Variants in POR observed in about 807,000 individuals in gnomAD.
POR encodes the protein cytochrome p450 oxidoreductase, also known as NADPH--cytochrome P450 reductase.
POR carries 56 observed loss-of-function variants against 84.0 expected under a neutral mutation model. The ratio of observed to expected loss-of-function variants is 0.67; its 90% CI spans 0.54 to 0.83. The LOEUF (loss-of-function observed/expected upper bound fraction) is 0.83. Among genes scored for constraint, POR ranks in the 40% least tolerant of loss-of-function variants. POR has a pLI of 0.00. For synonymous variants in POR, 414 were observed against 400.5 expected (o/e 1.03, Z -0.40); for missense variants, 938 against 944.3 (o/e 0.99, Z 0.09).
intron 1 of POR, among the ~76,000 whole-genome samples, chr7:75,938,205 G>T (rs1424583923): frequency 6.6e-6 from 1 of 152,224 alleles, no homozygotes; most frequent in African/African-American, 2.4e-5. Flanking sequence ...GTCCTGTTGT[G>T]TGGGGAAAAG....
intron 1 of POR, among the ~76,000 whole-genome samples, chr7:75,949,310 C>T (rs562026117): frequency 9.9e-5 from 15 of 151,960 alleles, no homozygotes; most frequent in Non-Finnish European, 1.9e-4. Context: ...CACGCGTCAC[C>T]ATGCCTGGCT....
At position 75,936,387 on chromosome 7, in the gene POR, C is replaced by T. The variant is rs189081510; in HGVS notation, c.-4-17602C>T. 2.3e-3 allele frequency among the ~76,000 whole-genome samples: 347 copies of T among 151,914 alleles called. 3 individuals are homozygous for T. The highest frequency in any genetic ancestry group is 8.0e-3 in the African/African-American group (331 of 41,432). Reference sequence around the variant, plus strand: ...CCTCCCAAAGTGCTGAGATTATAGGCGTGAGCCACTATGCCTGTTTCTCTT... The same window carrying T: ...CCTCCCAAAGTGCTGAGATTATAGGTGTGAGCCACTATGCCTGTTTCTCTT... On this transcript the variant is annotated intron_variant, in intron 1 of 15. Transcript: ENST00000461988.
At chr7:75,941,843 T>G (rs1298644243) in intron 1 of POR, among the ~76,000 whole-genome samples, 1 of 150,836 alleles carries the variant, frequency 6.6e-6, no homozygotes, top group East Asian at 2.0e-4. Context: ...TTAAAAGAAA[T>G]TCGAGTAATA....
intron 3 of POR, among the ~76,000 whole-genome samples, chr7:75,977,588 C>G (rs1334313671): frequency 2.0e-5 from 3 of 152,124 alleles, no homozygotes; most frequent in Admixed American, 6.6e-5. Flanking sequence ...CCAGCCTGGC[C>G]AACGTGTTGA....
rs369776567 is a variant in POR, at chr7:75,983,831, C to T, written c.1041C>T (p.Val347=). 5.7e-5 allele frequency: 91 copies of T among 1,610,258 alleles called. No individual in the cohort carries two copies. The highest frequency in any genetic ancestry group is 2.6e-4 in the South Asian group (24 of 90,730). ...AAATCCTGGGTGCCGACCTGGACGT[C>T]GTCATGTCCCTGAACAACCTGGATG... The change falls in exon 10 of 16, where the codon GTC becomes GTT. Residue 347 remains valine (V), a synonymous_variant. Coordinates refer to ENST00000461988, the MANE Select transcript of POR (RefSeq NM_000941.3).
chr7:75,981,646 G>T (rs1554557990), intron 7 of POR, 40 bp downstream of exon 7: 3 of 1,564,670 alleles, frequency 1.9e-6, no homozygotes, highest in African/African-American at 1.4e-5. Context: ...GGCCTGGGCG[G>T]GTCCTGTGCC....
chr7:75,943,882 C>T, intron 1 of POR: 1 of 507,168 alleles, frequency 2.0e-6, no homozygotes, highest in Non-Finnish European at 3.9e-6. Flanking sequence ...TGCGCGTCTC[C>T]TGTGGCTCAG....
chr7:75,984,154 C>T (rs1585132671), intron 10 of POR, among the ~76,000 whole-genome samples: 1 of 152,206 alleles, frequency 6.6e-6, no homozygotes, highest in African/African-American at 2.4e-5. Flanking sequence ...CTGTGTCCTG[C>T]TGGGAAGGAG....
At chr7:75,915,847 C>T (rs1479123149) in intron 1 of POR, 3 of 152,150 alleles carry the variant, frequency 2.0e-5, no homozygotes, top group Non-Finnish European at 4.4e-5. Context: ...CTCTTGGGCG[C>T]CAGGGGGAGG....
rs1554559285 is a variant in POR at position 75,985,984 on chromosome 7, G to A, written c.1731G>A (p.Leu577=). The A allele has an allele frequency of 2.5e-6, 4 of 1,580,998 alleles. No individual in the cohort carries two copies. Among genetic ancestry groups the A allele is most frequent in the Non-Finnish European group, 3.4e-6 (4 of 1,164,782 alleles). ...GCCGCCGCTCGGATGAGGACTACCTGTACCGGGAGGAGCTGGCGCAGTTCC... is the reference window on the plus strand; with the variant it reads ...GCCGCCGCTCGGATGAGGACTACCTATACCGGGAGGAGCTGGCGCAGTTCC... Residue 577 remains leucine, a synonymous_variant, in exon 14 of 16, where the codon CTG becomes CTA. Transcript: ENST00000461988.
intron 1 of POR, among the ~76,000 whole-genome samples, chr7:75,918,305 C>T (rs1554548338): frequency 6.6e-6 from 1 of 151,558 alleles, no homozygotes; most frequent in African/African-American, 2.4e-5. Context: ...GACTCTGTCT[C>T]AGAAAAAAAA....
chr7:75,967,584 T>C (rs1554555453), intron 2 of POR, among the ~76,000 whole-genome samples: 1 of 151,746 alleles, frequency 6.6e-6, no homozygotes, highest in Non-Finnish European at 1.5e-5. Flanking sequence ...AGCCCTGCCA[T>C]AGCAACCTGC....
In POR at chr7:75,986,139, A is replaced by G. The variant is rs1224132880; in HGVS notation, c.1816-20A>G. ...GCCACAGCCACAGTGCCCCCCTCACAGCACCACCCTTGGCCCCAGGTCTAC... is the reference window on the plus strand; with the variant it reads ...GCCACAGCCACAGTGCCCCCCTCACGGCACCACCCTTGGCCCCAGGTCTAC... On this transcript the variant is annotated intron_variant, in intron 14 of 15. Coordinates refer to ENST00000461988, the MANE Select transcript of POR (RefSeq NM_000941.3). 1.2e-6 allele frequency: 2 copies of G among 1,600,832 alleles called. No homozygotes were observed. The highest frequency in any genetic ancestry group is 2.7e-5 in the African/African-American group (2 of 74,638).
chr7:75,923,705 T>C (rs1383192324), intron 1 of POR, among the ~76,000 whole-genome samples: 1 of 151,868 alleles, frequency 6.6e-6, no homozygotes, highest in Non-Finnish European at 1.5e-5. Flanking sequence ...CTGACCAACA[T>C]GGAGAAACCC....
chr7:75,944,608 A>G (rs1347513331), intron 1 of POR, among the ~76,000 whole-genome samples: 2 of 148,576 alleles, frequency 1.3e-5, no homozygotes, highest in East Asian at 2.0e-4. Context: ...AAAATCAATC[A>G]CTATACCAAG....
intron 1 of POR, among the ~76,000 whole-genome samples, chr7:75,927,880 A>T (rs564299637): frequency 4.6e-5 from 7 of 151,282 alleles, no homozygotes; most frequent in Non-Finnish European, 1.0e-4. Context: ...CATGTTGGCT[A>T]GACTGGTCTC....
At chr7:75,933,582 G>T (rs1211003141) in intron 1 of POR, among the ~76,000 whole-genome samples, 1 of 151,822 alleles carries the variant, frequency 6.6e-6, no homozygotes, top group Non-Finnish European at 1.5e-5. Context: ...TAGAGATGGG[G>T]GTTTCACCAT....
At chr7:75,978,695 G>T (rs1210701866) in intron 3 of POR, among the ~76,000 whole-genome samples, 3 of 148,986 alleles carry the variant, frequency 2.0e-5, no homozygotes, top group Non-Finnish European at 4.5e-5. Context: ...GGCTAATTTT[G>T]TATTTTTAGT....
intron 2 of POR, among the ~76,000 whole-genome samples, chr7:75,961,539 C>T (rs1554554526): frequency 6.6e-6 from 1 of 152,178 alleles, no homozygotes; most frequent in Non-Finnish European, 1.5e-5. Flanking sequence ...ACATTTCAAA[C>T]ACCAGAGTGT....
Sources: allele counts gnomAD v4.1 joint callset (sites outside exome capture counted in the v4.1 genomes callset), GRCh38; gene constraint gnomAD v4.1.1; transcripts MANE v1.5; gene names NCBI Gene and HGNC (gene_info 2026-07-23, HGNC 2026-07-21).